The following ANKRD36C variants were observed in gnomAD, a reference collection of about 807,000 sequenced individuals.
ANKRD36C encodes ankyrin repeat domain-containing protein 36C.
In ANKRD36C, 61 loss-of-function variants were observed where a neutral mutation model predicts 276.4. That is an observed-to-expected ratio of 0.22 (90% CI 0.18 to 0.27). The LOEUF (loss-of-function observed/expected upper bound fraction) is 0.27. ANKRD36C is among the 10% of genes least tolerant of loss of function. ANKRD36C has a pLI of 1.00. For missense variants in ANKRD36C, 1,447 were observed against 2,032.3 expected, an observed-to-expected ratio of 0.71 and a Z score of 5.54; for synonymous variants, 483 against 680.1, an observed-to-expected ratio of 0.71 and a Z score of 4.51.
chr2:95,921,586 A>G (rs1374966900), intron 34 of ANKRD36C, 21 bp downstream of exon 34: 5 of 1,598,210 alleles, frequency 3.1e-6, no homozygotes, highest in Admixed American at 3.4e-5. Flanking sequence ...ACATGACATT[A>G]AATGTCTTTT....
chr2:95,965,055 GA>G (rs1678559058), intron 6 of ANKRD36C, among the ~76,000 whole-genome samples: 1 of 151,702 alleles, frequency 6.6e-6, no homozygotes, highest in South Asian at 2.1e-4. Flanking sequence ...GAAAAATGAA[GA>G]ATGGTGTAAT....
At chr2:95,860,149 A>G (rs1675536690) in intron 60 of ANKRD36C, 75 bp from the exon 81 acceptor site, 2 of 1,046,424 alleles carry the variant, frequency 1.9e-6, no homozygotes, top group African/African-American at 3.2e-5. Flanking sequence ...GTGCATTTTT[A>G]ACATGTATTC....
At chr2:95,922,606 T>A (rs1256902998) in intron 32 of ANKRD36C, among the ~76,000 whole-genome samples, 2 of 151,658 alleles carry the variant, frequency 1.3e-5, no homozygotes, top group African/African-American at 4.8e-5. Flanking sequence ...CAATATTCAT[T>A]GAAAATGACC....
chr2:95,888,750 C>G (rs1676263534), intron 48 of ANKRD36C, among the ~76,000 whole-genome samples: 1 of 151,612 alleles, frequency 6.6e-6, no homozygotes, highest in Admixed American at 6.6e-5. Flanking sequence ...GTTTAGCCTT[C>G]TGAAAGTTTC....
In ANKRD36C at chr2:95,910,576, G is replaced by C. The variant is rs1558635722; in HGVS notation, c.2653+1668C>G. The C allele has an allele frequency of 1.9e-6, 3 of 1,605,648 alleles. No homozygotes were observed. Among genetic ancestry groups the C allele is most frequent in the African/African-American group, 1.3e-5 (1 of 74,636 alleles). ...GTGGTTTCTGAGAAGACACTGAAAA[G>C]CAAAAGGGATTCATAATCACTCATA... On this transcript the variant is annotated intron_variant, in intron 42 of 66. Transcript: ENST00000456556.
intron 42 of ANKRD36C, 32 bp from the exon 48 acceptor site, chr2:95,908,606 A>T: frequency 6.4e-7 from 1 of 1,564,572 alleles, no homozygotes; most frequent in Non-Finnish European, 8.7e-7. Flanking sequence ...ATAATAAATT[A>T]ATAAAGTATG....
intron 44 of ANKRD36C, among the ~76,000 whole-genome samples, chr2:95,892,735 T>C (rs1210784128): frequency 1.3e-5 from 2 of 151,232 alleles, no homozygotes; most frequent in African/African-American, 4.8e-5. Context: ...ATCACGTTGT[T>C]CTCTAAAGAA....
At chr2:95,853,467 T>C (rs538568891) in intron 64 of ANKRD36C, 36 of 278,204 alleles carry the variant, frequency 1.3e-4, no homozygotes, top group South Asian at 6.9e-4. Flanking sequence ...AAAAAATATA[T>C]GTATAAAAAA....
chr2:95,959,792 T>C (rs1678413447), intron 10 of ANKRD36C, among the ~76,000 whole-genome samples: 2 of 152,212 alleles, frequency 1.3e-5, no homozygotes, highest in African/African-American at 4.8e-5. Flanking sequence ...CATATATCTC[T>C]GATGCCCAAT....
At chr2:95,888,844 T>C (rs1157194538) in intron 48 of ANKRD36C, among the ~76,000 whole-genome samples, 1 of 151,648 alleles carries the variant, frequency 6.6e-6, no homozygotes, top group Non-Finnish European at 1.5e-5. Context: ...ACTTCTACAA[T>C]GTAAAACTGC....
intron 4 of ANKRD36C, among the ~76,000 whole-genome samples, chr2:95,981,971 TAAC>T (rs1282645373): frequency 1.3e-5 from 2 of 152,176 alleles, no homozygotes; most frequent in African/African-American, 4.8e-5. Context: ...ATACTATAAA[TAAC>T]AAACATCTAT....
chr2:95,990,146 C>CT (rs1453170961), intron 1 of ANKRD36C, among the ~76,000 whole-genome samples: 12 of 152,208 alleles, frequency 7.9e-5, no homozygotes, highest in African/African-American at 2.9e-4. Context: ...TCTGTTATCT[C>CT]TTATTTTGTG....
intron 59 of ANKRD36C, among the ~76,000 whole-genome samples, chr2:95,869,173 CAAACTTCTTAAT>C (rs1193000193): frequency 1.3e-5 from 2 of 152,112 alleles, no homozygotes; most frequent in Non-Finnish European, 2.9e-5. Context: ...AGTTTAATAT[CAAACTTCTTAAT>C]CTATGTTTAC....
chr2:95,963,853 T>A (rs918306237), intron 6 of ANKRD36C, among the ~76,000 whole-genome samples: 3 of 124,482 alleles, frequency 2.4e-5, no homozygotes, highest in Non-Finnish European at 4.9e-5. Flanking sequence ...TCATGCATAA[T>A]CAGATTCCCA....
At chr2:95,881,090 T>C (rs1352797817) in intron 56 of ANKRD36C, among the ~76,000 whole-genome samples, 1 of 152,306 alleles carries the variant, frequency 6.6e-6, no homozygotes, top group Admixed American at 6.5e-5. Context: ...ACAATTACAA[T>C]GACACTTCAG....
At chr2:95,876,825 G>A (rs1364740466) in intron 58 of ANKRD36C, among the ~76,000 whole-genome samples, 8 of 132,470 alleles carry the variant, frequency 6.0e-5, no homozygotes, top group African/African-American at 2.0e-4. Flanking sequence ...TGCACCTCCA[G>A]CCTGGGTGGC....
At chr2:95,943,701 T>A (rs1313945441) in intron 19 of ANKRD36C, among the ~76,000 whole-genome samples, 1 of 151,928 alleles carries the variant, frequency 6.6e-6, no homozygotes, top group East Asian at 1.9e-4. Context: ...CAAAAAGTAA[T>A]GATTCATTCA....
chr2:95,889,971 A>T (rs762867061), exon 47 of ANKRD36C: 2 of 1,609,784 alleles, frequency 1.2e-6, no homozygotes, highest in Non-Finnish European at 1.7e-6. Flanking sequence ...ATTACCTTCA[A>T]GGCTGGTTGT....
chr2:95,975,239 C>T lies in ANKRD36C; in HGVS notation c.799+2883G>A, dbSNP rs542206937. ...TATAGATTCAATGCCATCCCAGCAA[C>T]CTACCAATGACTTTCTTCACAGAAT... On this transcript the variant is annotated intron_variant, in intron 6 of 66. Coordinates refer to ENST00000456556, the Ensembl canonical transcript of ANKRD36C. Among the ~76,000 whole-genome samples, 52 of 152,232 alleles carry T rather than the reference C, an allele frequency of 3.4e-4. 2 individuals are homozygous for T. The South Asian group carries it at 0.011, about 31-fold the overall frequency.
Sources: gnomAD v4.1 joint callset for allele counts (sites outside exome capture counted in the v4.1 genomes callset) on GRCh38, gnomAD v4.1.1 for gene constraint, MANE v1.5 for transcripts, NCBI Gene and HGNC (gene_info 2026-07-23, HGNC 2026-07-21) for gene names.